Variants in PREX1 observed in about 807,000 individuals in gnomAD.
The protein encoded by PREX1 is phosphatidylinositol 3,4,5-trisphosphate-dependent Rac exchanger 1 protein.
In PREX1, 41 loss-of-function variants were observed where a neutral mutation model predicts 198.3. The ratio of observed to expected loss-of-function variants is 0.21; its 90% CI spans 0.16 to 0.27. PREX1 has a LOEUF of 0.27. PREX1 is among the 10% of genes least tolerant of loss of function. PREX1 has a pLI of 1.00. For synonymous variants in PREX1, 843 were observed against 887.2 expected, an observed-to-expected ratio of 0.95 and a Z score of 0.89; for missense variants, 1,620 against 2,200.7, an observed-to-expected ratio of 0.74 and a Z score of 5.28.
the PREX1 span, among the ~76,000 whole-genome samples, chr20:48,857,673 T>C: frequency 2.0e-5 from 3 of 151,980 alleles, no homozygotes; most frequent in Non-Finnish European, 4.4e-5. Context: ...CTCGGGAGGC[T>C]GAGGTGGCAG....
upstream of PREX1, among the ~76,000 whole-genome samples, chr20:48,828,444 A>G (rs2090523184): frequency 1.3e-5 from 2 of 152,030 alleles, no homozygotes; most frequent in South Asian, 4.1e-4. Flanking sequence ...CCGGGCTGGG[A>G]AAGCTCGCTG....
At chr20:48,797,075 T>G (rs928975080) in intron 1 of PREX1, among the ~76,000 whole-genome samples, 5 of 151,998 alleles carry the variant, frequency 3.3e-5, no homozygotes, top group Non-Finnish European at 7.4e-5. Flanking sequence ...GCATACAAGA[T>G]ATACCTAAAA....
chr20:48,861,951 T>A, the PREX1 span, among the ~76,000 whole-genome samples: 1 of 152,158 alleles, frequency 6.6e-6, no homozygotes, highest in Non-Finnish European at 1.5e-5. Flanking sequence ...GGCTCACACC[T>A]GTAATCCCAG....
chr20:48,749,926 T>C (rs1218456037), intron 1 of PREX1, among the ~76,000 whole-genome samples: 1 of 151,868 alleles, frequency 6.6e-6, no homozygotes, highest in Non-Finnish European at 1.5e-5. Context: ...ATGACCCCCA[T>C]GTTTATATCC....
chr20:48,697,646 A>G (rs964308855), intron 7 of PREX1, among the ~76,000 whole-genome samples: 8 of 151,910 alleles, frequency 5.3e-5, no homozygotes, highest in African/African-American at 1.9e-4. Flanking sequence ...GGTCTCCCAA[A>G]GTGCTGGGAT....
intron 1 of PREX1, among the ~76,000 whole-genome samples, chr20:48,802,706 T>C (rs985075799): frequency 1.1e-4 from 16 of 152,340 alleles, no homozygotes; most frequent in Middle Eastern, 3.4e-3. Flanking sequence ...ATCACTGCTG[T>C]TTCCCCCATG....
chr20:48,800,427 C>T (rs1352286504), intron 1 of PREX1, among the ~76,000 whole-genome samples: 1 of 152,200 alleles, frequency 6.6e-6, no homozygotes, highest in Non-Finnish European at 1.5e-5. Flanking sequence ...TACCACTTGA[C>T]TTATCAGTGA....
At chr20:48,743,754 C>T (rs1008092313) in intron 3 of PREX1, among the ~76,000 whole-genome samples, 12 of 152,262 alleles carry the variant, frequency 7.9e-5, no homozygotes, top group African/African-American at 2.7e-4. Flanking sequence ...GATCAGTCAA[C>T]TTGCTGAGAG....
intron 30 of PREX1, among the ~76,000 whole-genome samples, chr20:48,638,702 G>A (rs929082541): frequency 6.6e-6 from 1 of 152,268 alleles, no homozygotes; most frequent in East Asian, 1.9e-4. Context: ...AGGAAGCCAG[G>A]CCAGGAGTCA....
Position 48,666,572 on chromosome 20 carries a change from C to A in PREX1, c.1666-217G>T, listed in dbSNP as rs1230786193. ...ACAGAGTCTCACTCTATCGCCCAGGCTGGAGTGCAGTGGCACGATCTCGGC... is the reference window on the plus strand; with the variant it reads ...ACAGAGTCTCACTCTATCGCCCAGGATGGAGTGCAGTGGCACGATCTCGGC... On this transcript the variant is annotated intron_variant, in intron 14 of 39. Coordinates refer to ENST00000371941, the MANE Select transcript of PREX1 (RefSeq NM_020820.4). This position sits in a 1 kb window ranked among gnomAD's most constrained non-coding sequence, Gnocchi z 4.3. 6.6e-6 allele frequency among the ~76,000 whole-genome samples: 1 copy of A among 152,210 alleles called. No homozygotes were observed. Among genetic ancestry groups the A allele is most frequent in the Non-Finnish European group, 1.5e-5 (1 of 68,046 alleles).
the PREX1 span, among the ~76,000 whole-genome samples, chr20:48,862,125 G>T: frequency 1.3e-5 from 2 of 152,062 alleles, no homozygotes; most frequent in African/African-American, 2.4e-5. Flanking sequence ...CAGTAGAATT[G>T]CTTGAACCCA....
chr20:48,856,557 G>A, the PREX1 span, among the ~76,000 whole-genome samples: 1 of 152,196 alleles, frequency 6.6e-6, no homozygotes, highest in Non-Finnish European at 1.5e-5. Flanking sequence ...CCAGTGTCAG[G>A]ATCAGGCTCA....
intron 1 of PREX1, among the ~76,000 whole-genome samples, chr20:48,821,210 AC>A (rs2090482985): frequency 6.6e-6 from 1 of 152,084 alleles, no homozygotes; most frequent in South Asian, 2.1e-4. Flanking sequence ...TTAAAAAAAA[AC>A]GGGGGGATTT....
chr20:48,627,473 G>A lies in PREX1; in HGVS notation c.4937+75C>T, dbSNP rs2089282008. Reference sequence around the variant, plus strand: ...ATCTGAGCATTAGGGGTTAGGCCAGGAGCATGATGCCAAAGCCAGGCCTGG... The same window carrying A: ...ATCTGAGCATTAGGGGTTAGGCCAGAAGCATGATGCCAAAGCCAGGCCTGG... On this transcript the variant is annotated intron_variant, in intron 39 of 39. Transcript: ENST00000371941. The A allele has an allele frequency of 5.9e-6, 9 of 1,518,744 alleles. No individual in the cohort carries two copies. The African/African-American group carries it at 9.6e-5, about 16-fold the overall frequency. 94.1% of individuals were successfully genotyped at this position (1,518,744 alleles called of 1,614,324 possible).
rs955769764 is a variant in PREX1 at position 48,691,854 on chromosome 20, T to C, written c.1037-758A>G. Among the ~76,000 whole-genome samples the C allele has an allele frequency of 2.6e-5, 4 of 152,166 alleles. No homozygotes were observed. The highest frequency in any genetic ancestry group is 7.2e-5 in the African/African-American group (3 of 41,418). On this transcript the variant is annotated intron_variant, in intron 8 of 39. Transcript: ENST00000371941. This position sits in a 1 kb window ranked among gnomAD's most constrained non-coding sequence, Gnocchi z 5.0. ...ATGGATGAACCCCACTAACGTGGTG[T>C]TGAGTGAAAGCAGTTTGTTTAAAAA... is the stretch of plus-strand genomic sequence containing the variant.
rs1278884955 is a variant in PREX1 at position 48,627,613 on chromosome 20, G to A, written c.4872C>T (p.Gly1624=). The change falls in exon 39 of 40, where the codon GGC becomes GGT. Residue 1624 remains glycine, a splice_region_variant and synonymous_variant. Coordinates refer to ENST00000371941, the MANE Select transcript of PREX1 (RefSeq NM_020820.4). ...TTTTGGCCAGAATCTCCACCCTTGG[G>A]CCCTGGAAGAAGGAACCATCAGGCA... is the stretch of plus-strand genomic sequence containing the variant. The part of the protein sequence containing the change: ...MQATDIMRKQ[G]PRVEILAKNL... 1.2e-6 allele frequency: 2 copies of A among 1,613,264 alleles called. No homozygotes were observed. The highest frequency in any genetic ancestry group is 1.7e-6 in the Non-Finnish European group (2 of 1,179,812).
At chr20:48,644,332 T>A in intron 27 of PREX1, 77 bp downstream of exon 27, 1 of 1,236,556 alleles carries the variant, frequency 8.1e-7, no homozygotes, top group African/African-American at 1.5e-5. Flanking sequence ...GAGGAAAGTA[T>A]AATAAAATAA....
intron 1 of PREX1, among the ~76,000 whole-genome samples, chr20:48,820,144 A>C (rs1337996863): frequency 1.3e-5 from 2 of 152,258 alleles, no homozygotes; most frequent in African/African-American, 4.8e-5. Flanking sequence ...ACCACAAGAC[A>C]AAAGAAGAGC....
chr20:48,724,443 C>T (rs1418845121), intron 5 of PREX1, among the ~76,000 whole-genome samples: 1 of 152,212 alleles, frequency 6.6e-6, no homozygotes, highest in Non-Finnish European at 1.5e-5. Flanking sequence ...AGGTTACACA[C>T]TCGTAAATGA....
Sources: allele counts gnomAD v4.1 joint callset (sites outside exome capture counted in the v4.1 genomes callset), GRCh38; gene constraint gnomAD v4.1.1; non-coding constraint Gnocchi (gnomAD v3.1); transcripts MANE v1.5; gene names NCBI Gene and HGNC (gene_info 2026-07-23, HGNC 2026-07-21).